The following MAF variants were observed in gnomAD, a reference collection of about 807,000 sequenced individuals.
The protein encoded by MAF is MAF bZIP transcription factor.
In MAF, 10 loss-of-function variants were observed where a neutral mutation model predicts 22.0. The ratio of observed to expected loss-of-function variants is 0.45; its 90% CI spans 0.28 to 0.77. MAF has a LOEUF of 0.77. MAF is among the 30% of genes least tolerant of loss of function. The pLI is 0.12. For synonymous variants in MAF, 337 were observed against 255.8 expected, an observed-to-expected ratio of 1.32 and a Z score of -3.03; for missense variants, 544 against 548.4, an observed-to-expected ratio of 0.99 and a Z score of 0.08.
the MAF span, among the ~76,000 whole-genome samples, chr16:79,319,714 A>G: frequency 1.2e-3 from 189 of 152,318 alleles, no homozygotes; most frequent in Admixed American, 2.4e-3. Context: ...TTGAGCAACT[A>G]TGATGTGCTA....
chr16:79,390,384 C>T, the MAF span, among the ~76,000 whole-genome samples: 1 of 152,202 alleles, frequency 6.6e-6, no homozygotes, highest in African/African-American at 2.4e-5. Context: ...TTCCTGACCA[C>T]TTTAATAGCT....
At chr16:79,459,708 G>C in the MAF span, among the ~76,000 whole-genome samples, 3 of 151,942 alleles carry the variant, frequency 2.0e-5, no homozygotes, top group Non-Finnish European at 4.4e-5. Flanking sequence ...GACTAGCTGG[G>C]ACTACAGGTG....
At chr16:79,585,568 A>G (rs774207689), downstream of MAF, among the ~76,000 whole-genome samples, 6 of 151,830 alleles carry the variant, frequency 4.0e-5, no homozygotes, top group Non-Finnish European at 5.9e-5. Flanking sequence ...AAAGCTGAAG[A>G]TCTGAGATCT....
the MAF span, among the ~76,000 whole-genome samples, chr16:79,536,605 G>A: frequency 6.6e-6 from 1 of 152,104 alleles, no homozygotes; most frequent in Admixed American, 6.6e-5. Flanking sequence ...TCACACCATT[G>A]CACTCCAGCC....
the MAF span, among the ~76,000 whole-genome samples, chr16:79,285,268 AC>A: frequency 1.3e-3 from 192 of 152,246 alleles, 1 homozygote; most frequent in African/African-American, 4.5e-3. Context: ...TTTAATATAT[AC>A]GGCCCCCCTT....
At chr16:79,575,885 G>A in the MAF span, among the ~76,000 whole-genome samples, 6 of 152,188 alleles carry the variant, frequency 3.9e-5, no homozygotes, top group East Asian at 9.7e-4. Context: ...TTCCTTGGAA[G>A]GCTCATTCCA....
the MAF span, among the ~76,000 whole-genome samples, chr16:79,574,945 TTTCAGTAGATAACTGTGTCCCTGGGG>T: frequency 6.6e-6 from 1 of 152,082 alleles, no homozygotes. Flanking sequence ...CCTTTCTGGG[TTTCAGTAGATAACTGTGTCCCTGGGG>T]TTCTTCTACT....
chr16:79,217,116 G>A, the MAF span, among the ~76,000 whole-genome samples: 1 of 152,182 alleles, frequency 6.6e-6, no homozygotes, highest in East Asian at 1.9e-4. Context: ...GGTGTCATCT[G>A]CTACTTCTAA....
At chr16:79,377,084 C>T in the MAF span, among the ~76,000 whole-genome samples, 15 of 152,134 alleles carry the variant, frequency 9.9e-5, no homozygotes, top group Non-Finnish European at 2.1e-4. Flanking sequence ...TTCTAGATCC[C>T]TGAGGAATCG....
At chr16:79,273,800 T>G in the MAF span, among the ~76,000 whole-genome samples, 3 of 152,294 alleles carry the variant, frequency 2.0e-5, no homozygotes, top group East Asian at 5.8e-4. Flanking sequence ...TCCATCTGTA[T>G]CTTTAATTTC....
chr16:79,475,353 T>C, the MAF span, among the ~76,000 whole-genome samples: 3 of 141,514 alleles, frequency 2.1e-5, no homozygotes. Flanking sequence ...TATATATGTA[T>C]GTATATATAT....
chr16:79,298,390 C>T, the MAF span, among the ~76,000 whole-genome samples: 6 of 152,224 alleles, frequency 3.9e-5, no homozygotes, highest in African/African-American at 1.4e-4. Flanking sequence ...GCACTTTCTT[C>T]GCTGGGGATT....
the MAF span, among the ~76,000 whole-genome samples, chr16:79,359,969 T>A: frequency 0.015 from 2,344 of 152,268 alleles, 20 homozygotes; most frequent in Non-Finnish European, 0.024. Context: ...GGGTGAATGC[T>A]CTTGGCATGG....
the MAF span, among the ~76,000 whole-genome samples, chr16:79,298,407 G>C: frequency 6.6e-6 from 1 of 152,220 alleles, no homozygotes. Flanking sequence ...GATTACATTT[G>C]TGTAATGCTG....
At chr16:79,232,905 A>G in the MAF span, among the ~76,000 whole-genome samples, 1 of 139,216 alleles carries the variant, frequency 7.2e-6, no homozygotes, top group Non-Finnish European at 1.5e-5. Context: ...CAGTGGCACC[A>G]TCTTGGCTCA....
the MAF span, among the ~76,000 whole-genome samples, chr16:79,306,733 G>C: frequency 1.3e-5 from 2 of 152,190 alleles, no homozygotes; most frequent in East Asian, 1.9e-4. Flanking sequence ...TCTTATCTTG[G>C]GCTGGGCAAT....
At chr16:79,319,822 G>A in the MAF span, among the ~76,000 whole-genome samples, 1 of 152,334 alleles carries the variant, frequency 6.6e-6, no homozygotes, top group South Asian at 2.1e-4. Context: ...TGACCACATA[G>A]AGAAATACGG....
chr16:79,395,357 G>A, the MAF span, among the ~76,000 whole-genome samples: 1 of 152,178 alleles, frequency 6.6e-6, no homozygotes, highest in African/African-American at 2.4e-5. Flanking sequence ...ATGGAAGATA[G>A]GGGTACCAGG....
At chr16:79,240,487 GAAAAAAAAAA>G in the MAF span, among the ~76,000 whole-genome samples, 16 of 60,718 alleles carry the variant, frequency 2.6e-4, no homozygotes, top group African/African-American at 4.5e-4. Context: ...AGCATCTCTG[GAAAAAAAAAA>G]AAAAAAAAAA....
Sources: gnomAD v4.1 joint callset for allele counts (sites outside exome capture counted in the v4.1 genomes callset) on GRCh38, gnomAD v4.1.1 for gene constraint, MANE v1.5 for transcripts, NCBI Gene and HGNC (gene_info 2026-07-23, HGNC 2026-07-21) for gene names.